NEGR1: variants seen among roughly 807,000 people sequenced by gnomAD.
The protein encoded by NEGR1 is neuronal growth regulator 1, also known as IgLON family member 4.
In NEGR1, 10 loss-of-function variants were observed where a neutral mutation model predicts 40.9. The ratio of observed to expected loss-of-function variants is 0.24; its 90% CI spans 0.15 to 0.42. NEGR1 has a LOEUF of 0.42. Among genes scored for constraint, NEGR1 ranks in the 10% least tolerant of loss-of-function variants. NEGR1 has a pLI of 1.00. For synonymous variants in NEGR1, 185 were observed against 166.8 expected (o/e 1.11, Z -0.84); for missense variants, 352 against 438.9 (o/e 0.80, Z 1.77).
chr1:71,487,303 C>G (rs978693920), intron 6 of NEGR1, among the ~76,000 whole-genome samples: 1 of 151,442 alleles, frequency 6.6e-6, no homozygotes, highest in African/African-American at 2.4e-5. Flanking sequence ...TGAGCGGCTA[C>G]TTTCTTTCCT....
chr1:71,601,375 G>A (rs1278598268), intron 5 of NEGR1, among the ~76,000 whole-genome samples: 1 of 152,194 alleles, frequency 6.6e-6, no homozygotes, highest in Non-Finnish European at 1.5e-5. Context: ...TGGTAGAAAT[G>A]CAAATTAGTT....
intron 4 of NEGR1, among the ~76,000 whole-genome samples, chr1:71,692,291 T>TA (rs756535769): frequency 8.2e-4 from 123 of 150,392 alleles, no homozygotes; most frequent in African/African-American, 1.8e-3. Context: ...TTAATTAGCT[T>TA]AAAAAAAAAC....
chr1:71,593,812 T>C (rs1270745478), intron 5 of NEGR1, among the ~76,000 whole-genome samples: 6 of 152,222 alleles, frequency 3.9e-5, no homozygotes. Flanking sequence ...AGTCAGATTC[T>C]TCCTTCCTCA....
chr1:71,994,995 G>GAA (rs1646491229), intron 1 of NEGR1, among the ~76,000 whole-genome samples: 2 of 51,396 alleles, frequency 3.9e-5, no homozygotes, highest in African/African-American at 1.5e-4. Flanking sequence ...CAAATTTACA[G>GAA]GAAAAAAAAA....
chr1:71,658,326 T>TTTCTG (rs1471264577), intron 4 of NEGR1, among the ~76,000 whole-genome samples: 2 of 152,244 alleles, frequency 1.3e-5, no homozygotes, highest in Non-Finnish European at 2.9e-5. Context: ...AATGAGCTTC[T>TTTCTG]TTCTGTTATC....
intron 6 of NEGR1, among the ~76,000 whole-genome samples, chr1:71,409,889 A>G (rs1470480504): frequency 2.0e-5 from 3 of 152,118 alleles, no homozygotes; most frequent in Non-Finnish European, 2.9e-5. Flanking sequence ...CTATAGTAGT[A>G]TAGTACATTC....
At chr1:71,693,522 C>T (rs1285950509) in intron 4 of NEGR1, among the ~76,000 whole-genome samples, 1 of 151,472 alleles carries the variant, frequency 6.6e-6, no homozygotes, top group Admixed American at 6.6e-5. Flanking sequence ...CACTTACATT[C>T]ACATATATGT....
intron 6 of NEGR1, among the ~76,000 whole-genome samples, chr1:71,465,897 G>A (rs1388106760): frequency 2.0e-5 from 3 of 151,870 alleles, no homozygotes; most frequent in Non-Finnish European, 4.4e-5. Context: ...ATAAGTCCTT[G>A]GATTAGAGTA....
chr1:72,213,266 T>C (rs979392611), intron 1 of NEGR1, among the ~76,000 whole-genome samples: 2 of 151,972 alleles, frequency 1.3e-5, no homozygotes, highest in Non-Finnish European at 2.9e-5. Context: ...ATTCAGTGTT[T>C]TACAGCCAGA....
At chr1:72,183,921 G>C (rs529080101) in intron 1 of NEGR1, among the ~76,000 whole-genome samples, 5 of 152,136 alleles carry the variant, frequency 3.3e-5, no homozygotes, top group African/African-American at 9.6e-5. Context: ...GGTTGGAAGA[G>C]AGCATTCCAA....
At chr1:71,544,988 A>C (rs1315814396) in intron 6 of NEGR1, among the ~76,000 whole-genome samples, 1 of 151,730 alleles carries the variant, frequency 6.6e-6, no homozygotes, top group Non-Finnish European at 1.5e-5. Context: ...CTCTTGCTAT[A>C]GCAGCTGATT....
intron 2 of NEGR1, among the ~76,000 whole-genome samples, chr1:71,851,465 C>G (rs983867487): frequency 2.6e-5 from 4 of 152,118 alleles, no homozygotes; most frequent in African/African-American, 7.2e-5. Flanking sequence ...TTATGCATAG[C>G]ACAATCGTTG....
At position 71,433,934 on chromosome 1, in the gene NEGR1, A is replaced by G. The variant is rs570687556; in HGVS notation, c.941-26364T>C. 6.6e-5 allele frequency among the ~76,000 whole-genome samples: 10 copies of G among 152,348 alleles called. No individual in the cohort carries two copies. The South Asian group carries it at 2.1e-3, about 32-fold the overall frequency. On this transcript the variant is annotated intron_variant, in intron 6 of 6. Coordinates refer to ENST00000357731, the MANE Select transcript of NEGR1 (RefSeq NM_173808.3). The stretch of plus-strand genomic sequence containing the variant: ...ATATGTTTTACCAAAATATACTTTT[A>G]AATACCAATAATTGAAGTCACGTTG...
chr1:71,533,980 T>A (rs1044014054), intron 6 of NEGR1, among the ~76,000 whole-genome samples: 1 of 151,730 alleles, frequency 6.6e-6, no homozygotes, highest in Non-Finnish European at 1.5e-5. Flanking sequence ...AAGGAAATTC[T>A]ATAATAGTAA....
chr1:71,565,118 G>A (rs963778839), intron 6 of NEGR1, among the ~76,000 whole-genome samples: 4 of 152,066 alleles, frequency 2.6e-5, no homozygotes, highest in African/African-American at 9.7e-5. Flanking sequence ...AAAATAAAAT[G>A]GTTGTAAACC....
In NEGR1 at chr1:72,002,089, TC is replaced by T. The variant is rs1557477934; in HGVS notation, c.177-66779del. Reference sequence around the variant, plus strand: ...TGCTACTACTTCTCAGAGTTTAATATCCGTGTTTTTGTCTGTTTGTTTTTTG... The same window carrying T: ...TGCTACTACTTCTCAGAGTTTAATATCGTGTTTTTGTCTGTTTGTTTTTTG... On this transcript the variant is annotated intron_variant, in intron 1 of 6. Coordinates refer to ENST00000357731, the MANE Select transcript of NEGR1 (RefSeq NM_173808.3). Among the ~76,000 whole-genome samples, 12 of 152,124 alleles carry T rather than the reference TC, an allele frequency of 7.9e-5. No homozygotes were observed. The South Asian group carries it at 2.1e-3, about 26-fold the overall frequency.
At chr1:71,989,514 T>G (rs1391608555) in intron 1 of NEGR1, among the ~76,000 whole-genome samples, 1 of 152,174 alleles carries the variant, frequency 6.6e-6, no homozygotes, top group African/African-American at 2.4e-5. Context: ...GTAATGGCAT[T>G]TTATGGCTAG....
At chr1:71,935,854 G>A (rs12027846) in intron 1 of NEGR1, among the ~76,000 whole-genome samples, 1 of 151,944 alleles carries the variant, frequency 6.6e-6, no homozygotes, top group Non-Finnish European at 1.5e-5. Flanking sequence ...GCTGGAATGC[G>A]GTGGAAAAAT....
At chr1:71,916,343 T>C (rs1440238569) in intron 2 of NEGR1, among the ~76,000 whole-genome samples, 1 of 152,134 alleles carries the variant, frequency 6.6e-6, no homozygotes, top group Non-Finnish European at 1.5e-5. Context: ...ATCATCAGGA[T>C]AGTAAGCAAC....
Sources: gnomAD v4.1 joint callset for allele counts (sites outside exome capture counted in the v4.1 genomes callset) on GRCh38, gnomAD v4.1.1 for gene constraint, MANE v1.5 for transcripts, NCBI Gene and HGNC (gene_info 2026-07-23, HGNC 2026-07-21) for gene names.